KLHL5: variants seen among roughly 807,000 people sequenced by gnomAD.
KLHL5 encodes the protein kelch like family member 5.
Under a neutral mutation model 77.7 loss-of-function variants are expected in KLHL5, and 48 were observed. That is an observed-to-expected ratio of 0.62 (90% CI 0.49 to 0.79). KLHL5 has a LOEUF of 0.79. Among genes scored for constraint, KLHL5 ranks in the 30% least tolerant of loss-of-function variants. The pLI is 0.00. For synonymous variants in KLHL5, 260 were observed against 297.0 expected (o/e 0.88, Z 1.28); for missense variants, 723 against 859.7 (o/e 0.84, Z 1.99).
At chr4:39,048,431 G>A (rs938577316) in intron 1 of KLHL5, among the ~76,000 whole-genome samples, 3 of 152,126 alleles carry the variant, frequency 2.0e-5, no homozygotes, top group Non-Finnish European at 4.4e-5. Flanking sequence ...TACCAGGCAG[G>A]ATAGATTATG....
At position 39,086,745 on chromosome 4, in the gene KLHL5, G is replaced by A. The variant is rs1720076786; in HGVS notation, c.1113+18G>A. ...CACCACAGGTAATTAATAGGCACTT[G>A]TTTATAGGAATTTTTCTTTGCCTAT... On this transcript the variant is annotated intron_variant, in intron 5 of 10. Coordinates refer to ENST00000504108, the MANE Select transcript of KLHL5 (RefSeq NM_015990.5). The A allele has an allele frequency of 1.3e-6, 2 of 1,569,620 alleles. No homozygotes were observed. Among genetic ancestry groups the A allele is most frequent in the African/African-American group, 1.4e-5 (1 of 73,840 alleles).
chr4:39,091,998 T>G (rs1720627018), intron 5 of KLHL5, among the ~76,000 whole-genome samples: 1 of 152,088 alleles, frequency 6.6e-6, no homozygotes, highest in Non-Finnish European at 1.5e-5. Context: ...AAAACATTTT[T>G]TTAACATCTA....
upstream of KLHL5, among the ~76,000 whole-genome samples, chr4:39,061,129 T>C (rs1036350312): frequency 6.6e-6 from 1 of 152,192 alleles, no homozygotes; most frequent in South Asian, 2.1e-4. Flanking sequence ...CATCCTGATA[T>C]CTCCTTTCTT....
the KLHL5 span, among the ~76,000 whole-genome samples, chr4:39,141,505 A>C: frequency 6.6e-6 from 1 of 151,472 alleles, no homozygotes; most frequent in East Asian, 2.0e-4. Context: ...TAGAGACGGA[A>C]TTTCACCGTG....
rs1372755569 is a variant in KLHL5, at chr4:39,081,853, T to C, written c.704-110T>C. On this transcript the variant is annotated intron_variant, in intron 3 of 10. Transcript: ENST00000504108. The surrounding 1 kb of genome is among the most constrained non-coding windows in gnomAD (Gnocchi z 4.3). ...GGATGTCTTAAACCATGTAGGTCTGTAATGCATGTAATGAGCTCTTATATG... is the reference window on the plus strand; with the variant it reads ...GGATGTCTTAAACCATGTAGGTCTGCAATGCATGTAATGAGCTCTTATATG... The C allele has an allele frequency of 1.4e-6, 1 of 706,800 alleles. No individual in the cohort carries two copies. The highest frequency in any genetic ancestry group is 2.9e-5 in the East Asian group (1 of 35,016). 43.8% of individuals were successfully genotyped at this position (706,800 alleles called of 1,614,324 possible).
At chr4:39,130,438 T>A (rs1723754271), downstream of KLHL5, among the ~76,000 whole-genome samples, 1 of 152,188 alleles carries the variant, frequency 6.6e-6, no homozygotes, top group South Asian at 2.1e-4. Flanking sequence ...ACCCACAACC[T>A]TCCAGTGTGG....
intron 6 of KLHL5, among the ~76,000 whole-genome samples, chr4:39,102,253 TG>T (rs1452114787): frequency 4.6e-5 from 7 of 151,882 alleles, no homozygotes; most frequent in African/African-American, 1.7e-4. Flanking sequence ...AAGAGAGAAG[TG>T]GGTTCTAGTT....
rs377689072 is a variant in KLHL5 at position 39,080,567 on chromosome 4, TA to T, written c.567-531del. Among the ~76,000 whole-genome samples the T allele has an allele frequency of 8.0e-3, 1,216 of 151,720 alleles. 21 individuals are homozygous for T. The highest frequency in any genetic ancestry group is 0.028 in the African/African-American group (1,150 of 41,428). On this transcript the variant is annotated intron_variant, in intron 2 of 10. Transcript: ENST00000504108. Reference sequence around the variant, plus strand: ...ATTTAAATGTATTATATATGACCATTAAAAACTTAGAGACATAGCTAATATA... The same window carrying T: ...ATTTAAATGTATTATATATGACCATTAAAACTTAGAGACATAGCTAATATA...
rs148774978 is a variant in KLHL5, at chr4:39,105,263, C to T, written c.1525+1752C>T. ...CTGGGCTAAAGCAGTCCTCCCACCTCAGCCTCTCTAGTAGCTAGGACTATA... is the reference window on the plus strand; with the variant it reads ...CTGGGCTAAAGCAGTCCTCCCACCTTAGCCTCTCTAGTAGCTAGGACTATA... On this transcript the variant is annotated intron_variant, in intron 7 of 10. Transcript: ENST00000504108. Among the ~76,000 whole-genome samples, 5 of 151,988 alleles carry T rather than the reference C, an allele frequency of 3.3e-5. No individual in the cohort carries two copies. The East Asian group carries it at 5.8e-4, about 18-fold the overall frequency.
At chr4:39,126,647 T>C (rs774104751), downstream of KLHL5, 19 of 445,546 alleles carry the variant, frequency 4.3e-5, no homozygotes, top group Non-Finnish European at 4.5e-5. Context: ...GCTGGTTCCA[T>C]TTGACCATAT....
At chr4:39,069,430 TTATATATA>T (rs60740721) in intron 1 of KLHL5, among the ~76,000 whole-genome samples, 344 of 30,190 alleles carry the variant, frequency 0.011, no homozygotes, top group Middle Eastern at 0.045. Flanking sequence ...TATTAACATT[TTATATATA>T]TATATATATA....
At chr4:39,047,052 G>A (rs996709760) in intron 1 of KLHL5, among the ~76,000 whole-genome samples, 1 of 152,196 alleles carries the variant, frequency 6.6e-6, no homozygotes, top group African/African-American at 2.4e-5. Context: ...TTTTAAAGCG[G>A]GATGTATTTT....
At chr4:39,094,044 G>A (rs2109453699) in intron 5 of KLHL5, among the ~76,000 whole-genome samples, 1 of 152,250 alleles carries the variant, frequency 6.6e-6, no homozygotes, top group African/African-American at 2.4e-5. Context: ...AAGATACTCT[G>A]TATCGGCCTA....
At chr4:39,105,054 C>T (rs1195620097) in intron 7 of KLHL5, among the ~76,000 whole-genome samples, 3 of 152,130 alleles carry the variant, frequency 2.0e-5, no homozygotes, top group Non-Finnish European at 4.4e-5. Flanking sequence ...TGAGCCACCA[C>T]GCCTGGCCTA....
intron 10 of KLHL5, 166 bp downstream of exon 10, chr4:39,115,496 A>G: frequency 6.7e-7 from 1 of 1,493,114 alleles, no homozygotes; most frequent in Non-Finnish European, 8.9e-7. Context: ...TAATTTTATA[A>G]CATAATTAAA....
At chr4:39,101,126 T>TATACACATATATATA (rs1553892884) in intron 6 of KLHL5, among the ~76,000 whole-genome samples, 1 of 134,844 alleles carries the variant, frequency 7.4e-6, no homozygotes, top group Non-Finnish European at 1.6e-5. Context: ...TATTTGGATT[T>TATACACATATATATA]TATATATATA....
chr4:39,059,064 C>T (rs992603918), upstream of KLHL5, among the ~76,000 whole-genome samples: 26 of 151,880 alleles, frequency 1.7e-4, no homozygotes, highest in African/African-American at 6.1e-4. Flanking sequence ...ACGTATTGAT[C>T]GTTTATAAAT....
chr4:39,070,621 G>T (rs1022927299), intron 1 of KLHL5, among the ~76,000 whole-genome samples: 1 of 152,076 alleles, frequency 6.6e-6, no homozygotes, highest in African/African-American at 2.4e-5. Context: ...CACCAGCATT[G>T]TATAAAAATG....
intron 4 of KLHL5, among the ~76,000 whole-genome samples, chr4:39,086,119 C>T (rs1319410868): frequency 1.3e-5 from 2 of 152,166 alleles, no homozygotes; most frequent in Admixed American, 6.6e-5. Flanking sequence ...CCGAATTCTT[C>T]AGCACCCACA....
Sources: gnomAD v4.1 joint callset for allele counts (sites outside exome capture counted in the v4.1 genomes callset) on GRCh38, gnomAD v4.1.1 for gene constraint, Gnocchi (gnomAD v3.1) non-coding constraint, MANE v1.5 for transcripts, NCBI Gene and HGNC (gene_info 2026-07-23, HGNC 2026-07-21) for gene names.